The following RP1 variants were observed in gnomAD, a reference collection of about 807,000 sequenced individuals.
RP1 encodes RP1 axonemal microtubule associated.
A neutral mutation model predicts 14.8 loss-of-function variants in RP1; 16 were observed. The observed-to-expected ratio is 1.08, with a 90% CI of 0.73 to 1.65. RP1 has a LOEUF of 1.65. RP1 is among the 40% of genes most tolerant of loss of function. The pLI, the probability that RP1 is intolerant of heterozygous loss-of-function variation, is 0.00. For missense variants in RP1, 2,631 were observed against 2,535.0 expected, an observed-to-expected ratio of 1.04 and a Z score of -0.81; for synonymous variants, 876 against 883.6, an observed-to-expected ratio of 0.99 and a Z score of 0.15.
Position 54,628,445 on chromosome 8 carries a change from C to T in RP1, c.4563C>T (p.Asn1521=), listed in dbSNP as rs150524359. The T allele has an allele frequency of 5.1e-4, 828 of 1,613,092 alleles. 1 individual carries two copies. Among genetic ancestry groups the T allele is most frequent in the Middle Eastern group, 3.8e-3 (23 of 6,060 alleles). Residue 1521 remains asparagine (N), a synonymous_variant, in exon 4 of 4, where the codon AAC becomes AAT. Coordinates refer to ENST00000220676, the MANE Select transcript of RP1 (RefSeq NM_006269.2). ...SKNIMEEKRM[N]GIIYEIISKR... The stretch of plus-strand genomic sequence containing the variant: ...ATATTATGGAAGAAAAAAGAATGAA[C>T]GGTATAATTTATGAAATAATCAGTA...
chr8:54,802,799 A>C (rs1810744975), intron 24 of RP1, among the ~76,000 whole-genome samples: 1 of 152,196 alleles, frequency 6.6e-6, no homozygotes, highest in South Asian at 2.1e-4. Context: ...GTGCCCCGTT[A>C]AGCAGGATAG....
intron 16 of RP1, among the ~76,000 whole-genome samples, chr8:54,722,207 C>CA (rs796358747): frequency 0.08 from 8,842 of 110,198 alleles, 579 homozygotes; most frequent in African/African-American, 0.19. Flanking sequence ...ACTCTAGCTC[C>CA]AAAAAAAAAA....
At chr8:54,579,051 A>G (rs1804722663) in intron 1 of RP1, among the ~76,000 whole-genome samples, 1 of 152,206 alleles carries the variant, frequency 6.6e-6, no homozygotes, top group Non-Finnish European at 1.5e-5. Context: ...CTTCACTTGT[A>G]AGGTTGGATG....
At chr8:54,591,251 C>T (rs1023810824) in intron 1 of RP1, among the ~76,000 whole-genome samples, 4 of 152,110 alleles carry the variant, frequency 2.6e-5, no homozygotes, top group African/African-American at 9.7e-5. Context: ...GTCCAGAGGG[C>T]CCTAAAAAAT....
chr8:54,836,874 G>T (rs187284677), intron 24 of RP1, among the ~76,000 whole-genome samples: 2 of 151,870 alleles, frequency 1.3e-5, no homozygotes, highest in Non-Finnish European at 2.9e-5. Context: ...TTTTTCATAT[G>T]ACCCCTGTAG....
chr8:54,628,223 A>T lies in RP1; in HGVS notation c.4341A>T (p.Glu1447Asp). Reference protein sequence around the residue: ...FDMEEPRTSEEPGSITNSMTS... With the variant: ...FDMEEPRTSEDPGSITNSMTS... ...TGGAAGAACCACGGACTTCTGAAGA[A>T]CCAGGCTCAATAACCAACAGCATGA... The change falls in exon 4 of 4, where the codon GAA becomes GAT. Residue 1447 changes from glutamate to aspartate, a missense_variant. Physicochemically the swap from Glu to Asp is conservative, Grantham distance 45. Coordinates refer to ENST00000220676, the MANE Select transcript of RP1 (RefSeq NM_006269.2). 6.2e-7 allele frequency: 1 copy of T among 1,614,026 alleles called. No homozygotes were observed.
At chr8:54,771,887 G>A (rs541765373), downstream of RP1, among the ~76,000 whole-genome samples, 3 of 152,138 alleles carry the variant, frequency 2.0e-5, no homozygotes, top group East Asian at 5.8e-4. Flanking sequence ...GCAAACATGA[G>A]TCTTAGATTT....
intron 24 of RP1, among the ~76,000 whole-genome samples, chr8:54,807,976 TC>T (rs1458784244): frequency 2.3e-4 from 14 of 59,600 alleles, no homozygotes; most frequent in African/African-American, 1.0e-3. Context: ...TCTGATCTTA[TC>T]CAAAAAAAAA....
At chr8:54,820,252 G>A (rs900771554) in intron 24 of RP1, among the ~76,000 whole-genome samples, 1 of 152,078 alleles carries the variant, frequency 6.6e-6, no homozygotes, top group Non-Finnish European at 1.5e-5. Flanking sequence ...TGGGGCTGGG[G>A]GAGGGGTGAG....
chr8:54,868,249 T>C (rs1293448264), intron 28 of RP1, among the ~76,000 whole-genome samples: 1 of 152,120 alleles, frequency 6.6e-6, no homozygotes, highest in African/African-American at 2.4e-5. Flanking sequence ...ACCCTAGAAA[T>C]TGGACTTACA....
At chr8:54,603,052 T>C (rs1488204876) in intron 1 of RP1, among the ~76,000 whole-genome samples, 4 of 152,230 alleles carry the variant, frequency 2.6e-5, no homozygotes, top group Admixed American at 1.3e-4. Flanking sequence ...TTAGATCCCA[T>C]TTGTCAATTT....
At chr8:54,720,315 A>T in intron 16 of RP1, 1 of 1,530,436 alleles carries the variant, frequency 6.5e-7, no homozygotes, top group South Asian at 1.2e-5. Flanking sequence ...ATGTATGTTT[A>T]CTCTGAAATG....
chr8:54,839,854 T>C (rs1306366672), intron 25 of RP1, among the ~76,000 whole-genome samples: 2 of 152,208 alleles, frequency 1.3e-5, no homozygotes, highest in African/African-American at 2.4e-5. Flanking sequence ...TGTAGAATAA[T>C]ACTAATGCTT....
Position 54,625,086 on chromosome 8 carries a change from G to A in RP1, c.1204G>A (p.Gly402Ser), listed in dbSNP as rs1805992898. 6.2e-7 allele frequency: 1 copy of A among 1,614,114 alleles called. No homozygotes were observed. The highest frequency in any genetic ancestry group is 8.5e-7 in the Non-Finnish European group (1 of 1,180,040). Residue 402 changes from glycine to serine, a missense_variant, in exon 4 of 4, where the codon GGC becomes AGC. Coordinates refer to ENST00000220676, the MANE Select transcript of RP1 (RefSeq NM_006269.2). ...TATGGAGCGAAGCAGTAATCAAGAG[G>A]GCAGTTTGGCAGAGGAGATAAACAT... ...SPMERSSNQE[G>S]SLAEEINIQM...
At position 54,822,666 on chromosome 8, in the gene RP1, T is replaced by C. The variant is rs546226284; in HGVS notation, c.3616-14784T>C. ...GTCTGTGGCAATGAAGGGAAAAATA[T>C]AGAGAACTACGCAGAGTAATCCAAG... is the stretch of plus-strand genomic sequence containing the variant. On this transcript the variant is annotated intron_variant, in intron 24 of 28. Coordinates refer to the RP1 transcript ENST00000637698. Among the ~76,000 whole-genome samples, 46 of 152,300 alleles carry C rather than the reference T, an allele frequency of 3.0e-4. No homozygotes were observed. The South Asian group carries it at 9.3e-3, about 31-fold the overall frequency.
chr8:54,841,116 C>T (rs1811780960), intron 25 of RP1, among the ~76,000 whole-genome samples: 1 of 152,146 alleles, frequency 6.6e-6, no homozygotes, highest in Non-Finnish European at 1.5e-5. Context: ...CATCTTGGTG[C>T]CATCCAGAGG....
intron 1 of RP1, among the ~76,000 whole-genome samples, chr8:54,602,395 C>T (rs1266339110): frequency 6.6e-6 from 1 of 152,158 alleles, no homozygotes; most frequent in Admixed American, 6.5e-5. Flanking sequence ...CATAGTATTC[C>T]AAGGTGTATA....
At chr8:54,765,702 C>T (rs1809744144) in intron 22 of RP1, among the ~76,000 whole-genome samples, 1 of 152,152 alleles carries the variant, frequency 6.6e-6, no homozygotes, top group East Asian at 1.9e-4. Context: ...CTTCTGCTTA[C>T]TGAAATTCTT....
At chr8:54,774,109 T>C (rs867216064), downstream of RP1, among the ~76,000 whole-genome samples, 2 of 152,138 alleles carry the variant, frequency 1.3e-5, no homozygotes, top group Non-Finnish European at 2.9e-5. Flanking sequence ...CAACTATAGA[T>C]AGTTTTGTAT....
Sources: gnomAD v4.1 joint callset for allele counts (sites outside exome capture counted in the v4.1 genomes callset) on GRCh38, gnomAD v4.1.1 for gene constraint, MANE v1.5 for transcripts, NCBI Gene and HGNC (gene_info 2026-07-23, HGNC 2026-07-21) for gene names.